ARHGAP24: variants seen among roughly 807,000 people sequenced by gnomAD.
ARHGAP24 encodes the protein rho GTPase-activating protein 24.
ARHGAP24 carries 50 observed loss-of-function variants against 76.4 expected under a neutral mutation model. That is an observed-to-expected ratio of 0.65 (90% CI 0.52 to 0.83). The LOEUF is 0.83. Ranked by LOEUF, ARHGAP24 falls within the 40% of genes least tolerant of loss-of-function variation. ARHGAP24 has a pLI of 0.00. For missense variants in ARHGAP24, 930 were observed against 914.2 expected, an observed-to-expected ratio of 1.02 and a Z score of -0.22; for synonymous variants, 345 against 323.3, an observed-to-expected ratio of 1.07 and a Z score of -0.72.
chr4:85,489,187 G>A (rs533901038), intron 1 of ARHGAP24, among the ~76,000 whole-genome samples: 1 of 152,268 alleles, frequency 6.6e-6, no homozygotes, highest in South Asian at 2.1e-4. Flanking sequence ...GAGATTTCAT[G>A]CAGAAAGTAA....
At chr4:85,674,391 C>A (rs1322748280) in intron 2 of ARHGAP24, among the ~76,000 whole-genome samples, 3 of 152,186 alleles carry the variant, frequency 2.0e-5, no homozygotes, top group Non-Finnish European at 2.9e-5. Context: ...ATGCACTCAT[C>A]TTTTAGGGAG....
intron 9 of ARHGAP24, among the ~76,000 whole-genome samples, chr4:85,997,900 A>G (rs1033212718): frequency 6.6e-6 from 1 of 151,938 alleles, no homozygotes; most frequent in Non-Finnish European, 1.5e-5. Context: ...CAAATGATCC[A>G]CCCACCTCGG....
chr4:85,758,443 G>T (rs1015993497), intron 3 of ARHGAP24, among the ~76,000 whole-genome samples: 2 of 152,142 alleles, frequency 1.3e-5, no homozygotes, highest in African/African-American at 4.8e-5. Context: ...AGGTAAGGAG[G>T]TGCTCAACTC....
chr4:85,802,608 A>G (rs1032001504), intron 3 of ARHGAP24, among the ~76,000 whole-genome samples: 2 of 152,226 alleles, frequency 1.3e-5, no homozygotes, highest in African/African-American at 4.8e-5. Flanking sequence ...CCTAACCAAC[A>G]TGGAGAAACC....
At chr4:85,735,348 C>T (rs916695999) in intron 3 of ARHGAP24, among the ~76,000 whole-genome samples, 3 of 152,114 alleles carry the variant, frequency 2.0e-5, no homozygotes, top group Non-Finnish European at 4.4e-5. Flanking sequence ...AAAACTATAC[C>T]ACACTCATTC....
intron 2 of ARHGAP24, among the ~76,000 whole-genome samples, chr4:85,637,974 C>A (rs1721386755): frequency 6.6e-6 from 1 of 152,090 alleles, no homozygotes; most frequent in Admixed American, 6.6e-5. Flanking sequence ...GCCTTGTCTC[C>A]TGAGCAGAAG....
intron 1 of ARHGAP24, among the ~76,000 whole-genome samples, chr4:85,514,505 T>C (rs1724409781): frequency 6.6e-6 from 1 of 152,176 alleles, no homozygotes; most frequent in Non-Finnish European, 1.5e-5. Flanking sequence ...ATTTAATAAA[T>C]AATCATATCC....
intron 3 of ARHGAP24, among the ~76,000 whole-genome samples, chr4:85,806,431 G>A (rs564575790): frequency 6.6e-6 from 1 of 152,284 alleles, no homozygotes; most frequent in African/African-American, 2.4e-5. Context: ...TGGCAATAAT[G>A]TGTGACCATC....
Position 85,660,860 on chromosome 4 carries a change from C to G in ARHGAP24, c.181-61025C>G, listed in dbSNP as rs1004460939. On this transcript the variant is annotated intron_variant, in intron 2 of 9. Coordinates refer to ENST00000395184, the MANE Select transcript of ARHGAP24 (RefSeq NM_001025616.3). Reference sequence around the variant, plus strand: ...TTTAGAGAGCTGCTGGTAGACATAACCTTTCATTATTTTTAGAGTTTCAAT... The same window carrying G: ...TTTAGAGAGCTGCTGGTAGACATAAGCTTTCATTATTTTTAGAGTTTCAAT... Among the ~76,000 whole-genome samples, 4 of 146,692 alleles carry G rather than the reference C, an allele frequency of 2.7e-5. 1 individual carries two copies. The highest frequency in any genetic ancestry group is 1.0e-4 in the African/African-American group (4 of 40,018).
intron 3 of ARHGAP24, among the ~76,000 whole-genome samples, chr4:85,846,173 A>G (rs774479578): frequency 4.6e-5 from 7 of 152,062 alleles, no homozygotes; most frequent in African/African-American, 7.2e-5. Context: ...CCAAAGTGCT[A>G]GGATTACAGG....
chr4:85,571,422 G>C (rs1346987586), intron 2 of ARHGAP24, among the ~76,000 whole-genome samples: 1 of 152,168 alleles, frequency 6.6e-6, no homozygotes, highest in Admixed American at 6.5e-5. Flanking sequence ...TGATGAGAGG[G>C]TATGCAAACT....
At chr4:85,664,489 G>A (rs560223411) in intron 2 of ARHGAP24, among the ~76,000 whole-genome samples, 2 of 150,498 alleles carry the variant, frequency 1.3e-5, no homozygotes, top group Non-Finnish European at 2.9e-5. Context: ...TTTTTTGAAG[G>A]GTTTTTTTGT....
chr4:85,873,259 T>C (rs1356269032), intron 3 of ARHGAP24, among the ~76,000 whole-genome samples: 1 of 152,220 alleles, frequency 6.6e-6, no homozygotes, highest in Non-Finnish European at 1.5e-5. Context: ...AATGGGATTA[T>C]GTACCTTGTA....
At chr4:85,815,758 C>T (rs992057825) in intron 3 of ARHGAP24, among the ~76,000 whole-genome samples, 3 of 152,180 alleles carry the variant, frequency 2.0e-5, no homozygotes, top group Non-Finnish European at 2.9e-5. Flanking sequence ...TCCACATTTT[C>T]GGGTATCTTT....
rs141481259 is a variant in ARHGAP24, at chr4:85,573,961, A to G, written c.180+3240A>G. On this transcript the variant is annotated intron_variant, in intron 2 of 9. Coordinates refer to ENST00000395184, the MANE Select transcript of ARHGAP24 (RefSeq NM_001025616.3). ...CAATGCTTCCAACGTAAGAATGTCC[A>G]TGGTCTTCATATATTTTGATGCGGT... 1.3e-3 allele frequency among the ~76,000 whole-genome samples: 192 copies of G among 152,310 alleles called. 1 individual carries two copies. Among genetic ancestry groups the G allele is most frequent in the African/African-American group, 4.4e-3 (182 of 41,578 alleles).
At chr4:85,634,290 C>T (rs1221458832) in intron 2 of ARHGAP24, among the ~76,000 whole-genome samples, 1 of 151,820 alleles carries the variant, frequency 6.6e-6, no homozygotes, top group Non-Finnish European at 1.5e-5. Context: ...GTTCTGCCTC[C>T]AGTTATAACT....
intron 3 of ARHGAP24, among the ~76,000 whole-genome samples, chr4:85,807,137 T>C (rs1728825129): frequency 6.6e-6 from 1 of 152,198 alleles, no homozygotes; most frequent in Non-Finnish European, 1.5e-5. Context: ...TACTTTAAGT[T>C]CTGAGATAGA....
At chr4:85,714,084 C>G (rs560086804) in intron 2 of ARHGAP24, among the ~76,000 whole-genome samples, 1 of 152,224 alleles carries the variant, frequency 6.6e-6, no homozygotes, top group South Asian at 2.1e-4. Context: ...TCCAATGAAT[C>G]AAAACATGTT....
chr4:85,762,495 A>G (rs926713965), intron 3 of ARHGAP24, among the ~76,000 whole-genome samples: 5 of 152,214 alleles, frequency 3.3e-5, no homozygotes, highest in Admixed American at 3.3e-4. Flanking sequence ...AAATATTATT[A>G]TTAACAAAAC....
Sources: allele counts gnomAD v4.1 joint callset (sites outside exome capture counted in the v4.1 genomes callset), GRCh38; gene constraint gnomAD v4.1.1; transcripts MANE v1.5; gene names NCBI Gene and HGNC (gene_info 2026-07-23, HGNC 2026-07-21).